Variants in ZNF407 observed in about 807,000 individuals in gnomAD.
ZNF407 encodes the protein zinc finger protein 407.
In ZNF407, 17 loss-of-function variants were observed where a neutral mutation model predicts 131.2. The ratio of observed to expected loss-of-function variants is 0.13; its 90% confidence interval spans 0.09 to 0.19. The LOEUF is 0.19. Among genes scored for constraint, ZNF407 ranks in the 10% least tolerant of loss-of-function variants. The pLI is 1.00. For missense variants in ZNF407, 2,681 were observed against 2,830.6 expected, an observed-to-expected ratio of 0.95 and a Z score of 1.20; for synonymous variants, 1,156 against 1,062.0, an observed-to-expected ratio of 1.09 and a Z score of -1.72.
At chr18:74,616,836 G>GTA (rs1983312636) in intron 1 of ZNF407, among the ~76,000 whole-genome samples, 2 of 4,700 alleles carry the variant, frequency 4.3e-4, no homozygotes, top group Admixed American at 2.2e-3. Context: ...CCATATCCAC[G>GTA]CACCACACGC....
chr18:74,630,229 G>C (rs535828836), intron 1 of ZNF407, among the ~76,000 whole-genome samples: 2 of 147,574 alleles, frequency 1.4e-5, no homozygotes, highest in Non-Finnish European at 3.0e-5. Flanking sequence ...GGGGTGCAGT[G>C]GTGCAATCTC....
chr18:74,902,994 A>C (rs976456198), intron 7 of ZNF407, among the ~76,000 whole-genome samples: 1 of 152,140 alleles, frequency 6.6e-6, no homozygotes, highest in Admixed American at 6.5e-5. Flanking sequence ...TCAGACACTT[A>C]CATAGTGTTT....
At chr18:74,680,400 TA>T (rs11404762) in intron 3 of ZNF407, among the ~76,000 whole-genome samples, 184 of 137,518 alleles carry the variant, frequency 1.3e-3, no homozygotes, top group African/African-American at 2.4e-3. Flanking sequence ...GACCTTGCCT[TA>T]AAAAAAAAAA....
chr18:74,720,265 A>G (rs752499495), intron 3 of ZNF407, among the ~76,000 whole-genome samples: 4 of 151,974 alleles, frequency 2.6e-5, no homozygotes, highest in Non-Finnish European at 4.4e-5. Context: ...CCTGATGATT[A>G]GTGATGTTGA....
chr18:74,889,979 T>G lies in ZNF407; in HGVS notation c.5190T>G (p.Thr1730=). 1.9e-6 allele frequency: 3 copies of G among 1,608,730 alleles called. No individual in the cohort carries two copies. Among genetic ancestry groups the G allele is most frequent in the Non-Finnish European group, 1.7e-6 (2 of 1,177,376 alleles). Residue 1730 remains threonine (T), a synonymous_variant, in exon 7 of 9, where the codon ACT becomes ACG. Transcript: ENST00000299687. ...CCTCCACAACTCAGTCCCATTTGAC[T>G]CGGCATAAACGTGTCCACACTGGAG... The part of the protein sequence containing the change: ...NFASTTQSHL[T]RHKRVHTGEK...
At chr18:74,739,983 A>G (rs1968510833) in intron 3 of ZNF407, among the ~76,000 whole-genome samples, 1 of 152,184 alleles carries the variant, frequency 6.6e-6, no homozygotes, top group South Asian at 2.1e-4. Flanking sequence ...TTCTGGAGAA[A>G]ATATTAAATA....
At chr18:74,736,051 A>G (rs1470292092) in intron 3 of ZNF407, among the ~76,000 whole-genome samples, 1 of 152,238 alleles carries the variant, frequency 6.6e-6, no homozygotes, top group Non-Finnish European at 1.5e-5. Flanking sequence ...TTTGCATGAT[A>G]GGCTTCATTA....
intron 8 of ZNF407, among the ~76,000 whole-genome samples, chr18:74,921,524 C>G (rs1017411569): frequency 6.6e-6 from 1 of 152,256 alleles, no homozygotes; most frequent in South Asian, 2.1e-4. Context: ...GTTTTGGGAC[C>G]TGTTAGAGTT....
intron 8 of ZNF407, among the ~76,000 whole-genome samples, chr18:75,036,036 G>A (rs1378443247): frequency 6.6e-6 from 1 of 152,220 alleles, no homozygotes; most frequent in Non-Finnish European, 1.5e-5. Context: ...ACTTCTGCTG[G>A]TGCCAAAAAT....
chr18:74,777,751 C>CTCTCTCTCAT (rs57785452), intron 3 of ZNF407, among the ~76,000 whole-genome samples: 1 of 150,496 alleles, frequency 6.6e-6, no homozygotes, highest in East Asian at 2.0e-4. Flanking sequence ...CTCTCTCTCT[C>CTCTCTCTCAT]ATTCACTCAA....
intron 1 of ZNF407, among the ~76,000 whole-genome samples, chr18:74,617,490 T>G (rs1983366706): frequency 6.6e-6 from 1 of 152,256 alleles, no homozygotes. Context: ...TTATATACTT[T>G]TATAAAGCCT....
At chr18:74,657,591 G>A (rs1295455737) in intron 3 of ZNF407, among the ~76,000 whole-genome samples, 1 of 152,122 alleles carries the variant, frequency 6.6e-6, no homozygotes, top group Non-Finnish European at 1.5e-5. Context: ...TCTTTGCGAT[G>A]GTGTATGCTC....
chr18:75,029,492 C>T (rs189256731), intron 8 of ZNF407, among the ~76,000 whole-genome samples: 9 of 152,290 alleles, frequency 5.9e-5, no homozygotes, highest in African/African-American at 1.9e-4. Flanking sequence ...GATGGGTGTT[C>T]GTTCTCACTG....
rs573830403 is a variant in ZNF407, at chr18:75,044,319, GT to G, written c.5429-18823del. 2.6e-3 allele frequency among the ~76,000 whole-genome samples: 383 copies of G among 149,144 alleles called. 3 individuals are homozygous for G. Among genetic ancestry groups the G allele is most frequent in the African/African-American group, 9.1e-3 (368 of 40,444 alleles). On this transcript the variant is annotated intron_variant, in intron 8 of 8. Coordinates refer to ENST00000299687, the MANE Select transcript of ZNF407 (RefSeq NM_017757.3). The stretch of plus-strand genomic sequence containing the variant: ...GAGCTTCATGAAAGCGTTTTGTTGG[GT>G]TTTTTTTCTTTCTTTTTTTTTAAAA...
At chr18:75,058,718 G>A (rs1648282995) in intron 8 of ZNF407, among the ~76,000 whole-genome samples, 1 of 152,190 alleles carries the variant, frequency 6.6e-6, no homozygotes, top group African/African-American at 2.4e-5. Context: ...CATTTGGTGA[G>A]CTTTACAGTT....
rs554376631 is a variant in ZNF407, at chr18:74,988,033, C to G, written c.5428+67341C>G. Among the ~76,000 whole-genome samples the G allele has an allele frequency of 2.0e-5, 3 of 152,312 alleles. No homozygotes were observed. The East Asian group carries it at 5.8e-4, about 29-fold the overall frequency. ...AAAACAAACTTGGAAGACATGCATA[C>G]TGGATTCCAATACCTACTCTAAAGA... On this transcript the variant is annotated intron_variant, in intron 8 of 8. Coordinates refer to ENST00000299687, the MANE Select transcript of ZNF407 (RefSeq NM_017757.3).
intron 3 of ZNF407, among the ~76,000 whole-genome samples, chr18:74,737,192 A>T (rs1968437498): frequency 6.6e-6 from 1 of 152,184 alleles, no homozygotes; most frequent in African/African-American, 2.4e-5. Flanking sequence ...TGTTGGAGGC[A>T]TTTTTGATTT....
chr18:75,031,861 G>A (rs1346892453), intron 8 of ZNF407, among the ~76,000 whole-genome samples: 1 of 152,176 alleles, frequency 6.6e-6, no homozygotes, highest in African/African-American at 2.4e-5. Context: ...TGGACCCAGA[G>A]TGAGAAAGGT....
At chr18:74,812,751 A>C (rs1970214978) in intron 4 of ZNF407, among the ~76,000 whole-genome samples, 1 of 151,674 alleles carries the variant, frequency 6.6e-6, no homozygotes, top group East Asian at 1.9e-4. Context: ...CGTGTCTCTC[A>C]TGCTATGATC....
Sources: gnomAD v4.1 joint callset for allele counts (sites outside exome capture counted in the v4.1 genomes callset) on GRCh38, gnomAD v4.1.1 for gene constraint, MANE v1.5 for transcripts, NCBI Gene and HGNC (gene_info 2026-07-23, HGNC 2026-07-21) for gene names.